The following AMBN variants were observed in gnomAD, a reference collection of about 807,000 sequenced individuals.
The protein encoded by AMBN is enamel matrix protein.
AMBN carries 54 observed loss-of-function variants against 48.0 expected under a neutral mutation model. The observed-to-expected ratio is 1.12, with a 90% CI of 0.90 to 1.41. The LOEUF (loss-of-function observed/expected upper bound fraction) is 1.41, where lower values mean the gene tolerates loss of function less well. Among genes scored for constraint, AMBN ranks in the 40% most tolerant of loss-of-function variants. The pLI, the probability that AMBN is intolerant of heterozygous loss-of-function variation, is 0.00. For synonymous variants in AMBN, 186 were observed against 190.0 expected (o/e 0.98, Z 0.17); for missense variants, 571 against 547.3 (o/e 1.04, Z -0.43).
chr4:70,606,549 C>G lies in AMBN; in HGVS notation c.1163C>G (p.Thr388Ser). 1 of 1,614,122 alleles carries G rather than the reference C, an allele frequency of 6.2e-7. No individual in the cohort carries two copies. Among genetic ancestry groups the G allele is most frequent in the Non-Finnish European group, 8.5e-7 (1 of 1,180,012 alleles). ...VTPAAADPLM[T>S]PELADVYRTY... ...CCAGCAGCTGCTGACCCACTGATGA[C>G]CCCTGAATTAGCTGATGTTTATAGG... Residue 388 changes from threonine to serine, a missense_variant, in exon 13 of 13, where the codon ACC becomes AGC. By Grantham distance (58) the Thr-to-Ser change is moderately conservative. Transcript: ENST00000322937.
At chr4:70,604,693 G>A (rs1247194312) in intron 12 of AMBN, among the ~76,000 whole-genome samples, 1 of 150,516 alleles carries the variant, frequency 6.6e-6, no homozygotes, top group Non-Finnish European at 1.5e-5. Flanking sequence ...AACAAGACAA[G>A]GTAAGATTTT....
chr4:70,602,532 A>T (rs35870385), intron 6 of AMBN, 92 bp from the exon 7 acceptor site: 156,004 of 828,316 alleles, frequency 0.19, 17,478 homozygotes, highest in Non-Finnish European at 0.24. Context: ...GGATGTGATC[A>T]GTTCACTTTG....
At chr4:70,596,019 G>A (rs1287438478) in intron 2 of AMBN, among the ~76,000 whole-genome samples, 2 of 152,118 alleles carry the variant, frequency 1.3e-5, no homozygotes, top group African/African-American at 2.4e-5. Flanking sequence ...GCCAGATGCA[G>A]TGGCTCACAT....
chr4:70,596,222 G>A (rs1232062841), intron 2 of AMBN, among the ~76,000 whole-genome samples: 1 of 150,452 alleles, frequency 6.6e-6, no homozygotes, highest in Non-Finnish European at 1.5e-5. Flanking sequence ...AGAGGTTGCA[G>A]TGAGCCGAGA....
chr4:70,604,958 A>T (rs1255483499), intron 12 of AMBN, among the ~76,000 whole-genome samples: 1 of 151,002 alleles, frequency 6.6e-6, no homozygotes, highest in East Asian at 1.9e-4. Context: ...ACGCCACTGC[A>T]CTCCAGCCTG....
intron 3 of AMBN, 97 bp downstream of exon 3, chr4:70,597,146 G>C (rs1737403549): frequency 1.8e-6 from 2 of 1,109,762 alleles, no homozygotes; most frequent in Non-Finnish European, 2.6e-6. Context: ...TTCCTAGCCA[G>C]AAGTTTGTGG....
At chr4:70,602,593 CT>C in intron 6 of AMBN, 30 bp from the exon 7 acceptor site, 1 of 1,485,820 alleles carries the variant, frequency 6.7e-7, no homozygotes, top group Middle Eastern at 2.0e-4. Context: ...TATTTTTTGA[CT>C]GATAATTTTA....
Position 70,598,456 on chromosome 4 carries a change from G to A in AMBN, c.183+53G>A, listed in dbSNP as rs1045046940. ...CATGGTGGTGGTAGTGTTAATATTA[G>A]CAGCAGCATTATAATTCATCAAATT... On this transcript the variant is annotated intron_variant, in intron 4 of 12. Coordinates refer to ENST00000322937, the MANE Select transcript of AMBN (RefSeq NM_016519.6). 6 of 1,384,486 alleles carry A rather than the reference G, an allele frequency of 4.3e-6. No individual in the cohort carries two copies. The South Asian group carries it at 8.5e-5, about 20-fold the overall frequency. 85.8% of individuals were successfully genotyped at this position (1,384,486 alleles called of 1,614,324 possible).
Position 70,601,510 on chromosome 4 carries a change from T to G in AMBN, c.387T>G (p.Ser129=). The change falls in exon 6 of 13, where the codon TCT becomes TCG. Residue 129 remains serine (S), a synonymous_variant. Coordinates refer to ENST00000322937, the MANE Select transcript of AMBN (RefSeq NM_016519.6). ...CAGGACTGAAACCTTTTCTCCAGTCTGCTGCTGCAACCACCAACCAGGCCA... is the reference window on the plus strand; with the variant it reads ...CAGGACTGAAACCTTTTCTCCAGTCGGCTGCTGCAACCACCAACCAGGCCA... The part of the protein sequence containing the change: ...QQPGLKPFLQ[S]AAATTNQATA... 1 of 1,614,212 alleles carries G rather than the reference T, an allele frequency of 6.2e-7. No homozygotes were observed.
rs879503656 is a variant in AMBN, at chr4:70,600,327, TA to T, written c.294+693del. 2.2e-3 allele frequency among the ~76,000 whole-genome samples: 319 copies of T among 142,580 alleles called. 1 individual carries two copies. The highest frequency in any genetic ancestry group is 3.3e-3 in the Non-Finnish European group (211 of 64,672). The allele number at this position is 142,580 out of a possible 152,430, so 93.5% of individuals were successfully genotyped here. On this transcript the variant is annotated intron_variant, in intron 5 of 12. Transcript: ENST00000322937. ...CTGTCTCAAAAAAAATTAAGAAATT[TA>T]AAAAAAAAAAACATCATGAACCCTA...
At chr4:70,603,547 G>T (rs1290242543) in intron 11 of AMBN, 87 bp downstream of exon 11, 1 of 1,311,674 alleles carries the variant, frequency 7.6e-7, no homozygotes, top group Non-Finnish European at 1.1e-6. Flanking sequence ...TCACACAAGA[G>T]ATTCCAAATA....
intron 5 of AMBN, among the ~76,000 whole-genome samples, chr4:70,600,593 A>C (rs1284495507): frequency 3.9e-5 from 6 of 152,206 alleles, no homozygotes; most frequent in African/African-American, 1.4e-4. Flanking sequence ...TGGAGAGGCA[A>C]AGCAGAGCCC....
chr4:70,595,994 T>A (rs1334114504), intron 2 of AMBN, among the ~76,000 whole-genome samples: 2 of 151,866 alleles, frequency 1.3e-5, no homozygotes, highest in Non-Finnish European at 1.5e-5. Flanking sequence ...CCATCTCTAT[T>A]TTTTAAAAAA....
At chr4:70,601,908 G>A (rs183684131) in intron 6 of AMBN, 22 of 586,636 alleles carry the variant, frequency 3.8e-5, no homozygotes, top group East Asian at 2.3e-4. Context: ...TCTTAGTTGC[G>A]AAAGATGAAA....
At chr4:70,603,034 ACT>A in intron 9 of AMBN, 24 bp downstream of exon 9, 1 of 1,586,892 alleles carries the variant, frequency 6.3e-7, no homozygotes, top group Non-Finnish European at 8.5e-7. Flanking sequence ...TCAATGAGAC[ACT>A]GTCTTGCAAA....
rs1052039914 is a variant in AMBN at position 70,597,028 on chromosome 4, T to C, written c.114T>C (p.Gly38=). 14 of 1,613,494 alleles carry C rather than the reference T, an allele frequency of 8.7e-6. No homozygotes were observed. Among genetic ancestry groups the C allele is most frequent in the Non-Finnish European group, 1.2e-5 (14 of 1,179,692 alleles). ...TTCCTCAGCAATCTGGAACACCGGG[T>C]ATGGCTAGTTTGAGCCTTGAGGTAT... ...PFFPQQSGTP[G]MASLSLETMR... Residue 38 remains glycine, a synonymous_variant, in exon 3 of 13, where the codon GGT becomes GGC. Coordinates refer to ENST00000322937, the MANE Select transcript of AMBN (RefSeq NM_016519.6).
chr4:70,599,705 C>A, intron 5 of AMBN, 59 bp downstream of exon 5: 1 of 1,298,126 alleles, frequency 7.7e-7, no homozygotes, highest in Non-Finnish European at 1.1e-6. Flanking sequence ...TTCTTACTTG[C>A]CTTCTTTAAG....
intron 12 of AMBN, among the ~76,000 whole-genome samples, chr4:70,604,676 T>C (rs577766915): frequency 4.6e-5 from 7 of 152,212 alleles, no homozygotes; most frequent in Non-Finnish European, 8.8e-5. Context: ...CATAGGAAAA[T>C]ACTGTAAACA....
intron 12 of AMBN, among the ~76,000 whole-genome samples, chr4:70,604,822 G>A (rs1027951807): frequency 3.9e-5 from 6 of 152,046 alleles, no homozygotes; most frequent in African/African-American, 2.4e-5. Context: ...GTAAAACCCC[G>A]TCTCCACTAA....
Sources: allele counts gnomAD v4.1 joint callset (sites outside exome capture counted in the v4.1 genomes callset), GRCh38; gene constraint gnomAD v4.1.1; transcripts MANE v1.5; gene names NCBI Gene and HGNC (gene_info 2026-07-23, HGNC 2026-07-21).